Variants in SAMMSON observed in about 807,000 individuals in gnomAD.
SAMMSON encodes long intergenic non-protein coding RNA 1212.
intron 9 of SAMMSON, among the ~76,000 whole-genome samples, chr3:70,387,235 A>G (rs1234535412): frequency 6.6e-6 from 1 of 152,084 alleles, no homozygotes; most frequent in East Asian, 1.9e-4. Context: ...ATATAAGGCA[A>G]AGTAGAATCA....
intron 4 of SAMMSON, among the ~76,000 whole-genome samples, chr3:70,145,417 T>A (rs981135392): frequency 6.6e-6 from 1 of 152,134 alleles, no homozygotes. Flanking sequence ...TTTCAAAGTA[T>A]GTAGAGCATC....
At chr3:70,377,447 A>G (rs1159339051) in intron 9 of SAMMSON, among the ~76,000 whole-genome samples, 1 of 152,124 alleles carries the variant, frequency 6.6e-6, no homozygotes, top group African/African-American at 2.4e-5. Context: ...ATCTGGATAA[A>G]CAGCAATTTT....
At chr3:70,067,762 T>A (rs1191683514) in intron 3 of SAMMSON, among the ~76,000 whole-genome samples, 1 of 152,078 alleles carries the variant, frequency 6.6e-6, no homozygotes, top group Non-Finnish European at 1.5e-5. Context: ...CAATGTCACC[T>A]GCAAAGAATT....
At chr3:70,090,223 C>T (rs1192703582) in intron 4 of SAMMSON, among the ~76,000 whole-genome samples, 4 of 152,008 alleles carry the variant, frequency 2.6e-5, no homozygotes, top group African/African-American at 9.7e-5. Context: ...TTTAGATTAC[C>T]CAATTACTGG....
intron 6 of SAMMSON, among the ~76,000 whole-genome samples, chr3:70,290,316 G>A (rs573477169): frequency 1.3e-5 from 2 of 150,898 alleles, no homozygotes; most frequent in South Asian, 4.3e-4. Flanking sequence ...GGAGTACCCT[G>A]CAGTGTAAGG....
At chr3:70,110,591 G>A (rs1559792986) in intron 4 of SAMMSON, among the ~76,000 whole-genome samples, 1 of 152,092 alleles carries the variant, frequency 6.6e-6, no homozygotes, top group Non-Finnish European at 1.5e-5. Flanking sequence ...TCTCCATGGT[G>A]TGGAATCCAG....
At chr3:70,000,619 C>T (rs2066902267) in intron 1 of SAMMSON, among the ~76,000 whole-genome samples, 1 of 152,148 alleles carries the variant, frequency 6.6e-6, no homozygotes, top group African/African-American at 2.4e-5. Context: ...ATGTTCTATG[C>T]TTACTGTATT....
chr3:70,361,714 C>T (rs1030482667), intron 9 of SAMMSON, among the ~76,000 whole-genome samples: 3 of 152,148 alleles, frequency 2.0e-5, no homozygotes, highest in Non-Finnish European at 2.9e-5. Context: ...GTATTTTTAG[C>T]GTCACCAACA....
At chr3:70,005,802 T>G (rs1204186340) in intron 1 of SAMMSON, among the ~76,000 whole-genome samples, 2 of 152,218 alleles carry the variant, frequency 1.3e-5, no homozygotes, top group African/African-American at 4.8e-5. Flanking sequence ...TGTTTTTATT[T>G]TAAAGCATAA....
rs151102296 is a variant in SAMMSON at position 70,064,101 on chromosome 3, A to G, written n.418-7375A>G. Reference sequence around the variant, plus strand: ...CCATGTCTTACCCTTCTGTGGGTCCAGTTCTAAGTGCCAGATCTATACATG... The same window carrying G: ...CCATGTCTTACCCTTCTGTGGGTCCGGTTCTAAGTGCCAGATCTATACATG... On this transcript the variant is annotated intron_variant and non_coding_transcript_variant, in intron 3 of 9. Transcript: ENST00000642114. 6.7e-3 allele frequency among the ~76,000 whole-genome samples: 1,015 copies of G among 152,226 alleles called. 11 individuals carry two copies. The highest frequency in any genetic ancestry group is 0.022 in the African/African-American group (907 of 41,546).
chr3:70,306,252 C>G (rs999914011), intron 7 of SAMMSON, among the ~76,000 whole-genome samples: 1 of 152,058 alleles, frequency 6.6e-6, no homozygotes, highest in Admixed American at 6.5e-5. Flanking sequence ...TACAGGCACT[C>G]GCCACCACAC....
intron 4 of SAMMSON, among the ~76,000 whole-genome samples, chr3:70,174,724 C>T (rs577939053): frequency 6.6e-6 from 1 of 150,862 alleles, no homozygotes; most frequent in African/African-American, 2.4e-5. Context: ...TCTATCCCTT[C>T]AATTATCTAT....
chr3:70,238,033 A>G (rs1701629350), intron 4 of SAMMSON, among the ~76,000 whole-genome samples: 1 of 105,954 alleles, frequency 9.4e-6, no homozygotes, highest in African/African-American at 4.0e-5. Context: ...TTTTCAGGAA[A>G]GAGAACTGTA....
chr3:70,195,815 A>T (rs1701170936), intron 4 of SAMMSON, among the ~76,000 whole-genome samples: 1 of 152,240 alleles, frequency 6.6e-6, no homozygotes. Flanking sequence ...TTCCAAAGTA[A>T]CTTTAACCTA....
chr3:70,267,106 G>A (rs957988291), intron 6 of SAMMSON, among the ~76,000 whole-genome samples: 2 of 152,148 alleles, frequency 1.3e-5, no homozygotes, highest in African/African-American at 2.4e-5. Flanking sequence ...TAGCTGGGGA[G>A]GGGGTGGGAA....
At chr3:70,258,779 A>T (rs1190492155) in intron 6 of SAMMSON, among the ~76,000 whole-genome samples, 1 of 152,186 alleles carries the variant, frequency 6.6e-6, no homozygotes, top group Non-Finnish European at 1.5e-5. Context: ...GAACCTTGCA[A>T]AAAGTGTTAT....
chr3:70,279,727 G>C (rs1702062763), intron 6 of SAMMSON, among the ~76,000 whole-genome samples: 1 of 152,172 alleles, frequency 6.6e-6, no homozygotes, highest in South Asian at 2.1e-4. Flanking sequence ...GGCTTCCTGA[G>C]TAGTTGCCAA....
intron 2 of SAMMSON, among the ~76,000 whole-genome samples, chr3:70,415,497 C>CT (rs890115796): frequency 4.6e-5 from 7 of 152,122 alleles, no homozygotes; most frequent in African/African-American, 1.7e-4. Context: ...GCTCCCCCTC[C>CT]TTTTTTTGTT....
intron 3 of SAMMSON, among the ~76,000 whole-genome samples, chr3:70,016,164 G>T (rs892428670): frequency 6.6e-6 from 1 of 152,152 alleles, no homozygotes; most frequent in Non-Finnish European, 1.5e-5. Context: ...GGATGAACTA[G>T]TTTACAGTCC....
Sources: allele counts gnomAD v4.1 joint callset (sites outside exome capture counted in the v4.1 genomes callset), GRCh38; gene constraint gnomAD v4.1.1; transcripts MANE v1.5; gene names NCBI Gene and HGNC (gene_info 2026-07-23, HGNC 2026-07-21).